The following TMCC2 variants were observed in gnomAD, a reference collection of about 807,000 sequenced individuals.
TMCC2 encodes transmembrane and coiled-coil domain family 2.
In TMCC2, 16 loss-of-function variants were observed where a neutral mutation model predicts 49.4. That is an observed-to-expected ratio of 0.32 (90% CI 0.22 to 0.49). The LOEUF is 0.49. TMCC2 is among the 20% of genes least tolerant of loss of function. The pLI is 0.99. For missense variants in TMCC2, 762 were observed against 989.8 expected (o/e 0.77, Z 3.09); for synonymous variants, 397 against 434.1 (o/e 0.91, Z 1.06).
intron 2 of TMCC2, among the ~76,000 whole-genome samples, chr1:205,262,555 G>A (rs1475148028): frequency 1.3e-5 from 2 of 152,190 alleles, no homozygotes; most frequent in Admixed American, 1.3e-4. Flanking sequence ...GAAGGATGGG[G>A]GGATGTCTGC....
chr1:205,266,313 G>C (rs1250274109), intron 2 of TMCC2, among the ~76,000 whole-genome samples: 3 of 151,164 alleles, frequency 2.0e-5, no homozygotes, highest in Non-Finnish European at 4.4e-5. Context: ...ATTTTGGGCC[G>C]GGCGCGGTGA....
In TMCC2 at chr1:205,272,971, C is replaced by T. The variant is rs902339902; in HGVS notation, c.*847C>T. 1.3e-5 allele frequency: 2 copies of T among 152,436 alleles called. No individual in the cohort carries two copies. The highest frequency in any genetic ancestry group is 4.8e-5 in the African/African-American group (2 of 41,436). The allele number at this position is 152,436 out of a possible 1,614,324, so 9.4% of individuals were successfully genotyped here. On this transcript the variant is annotated 3_prime_UTR_variant, in exon 5 of 5. Coordinates refer to ENST00000358024, the MANE Select transcript of TMCC2 (RefSeq NM_014858.4). ...ACCAGGAGAGGTCCTGCCCCATCCT[C>T]TCTCTGAAGCCAGGGCCCTTCCATT...
At chr1:205,267,158 G>A (rs1446798756) in intron 2 of TMCC2, among the ~76,000 whole-genome samples, 1 of 152,208 alleles carries the variant, frequency 6.6e-6, no homozygotes, top group Admixed American at 6.5e-5. Context: ...GGAGTGATTA[G>A]GGATGGGGTT....
chr1:205,246,830 C>T, intron 2 of TMCC2: 1 of 839,186 alleles, frequency 1.2e-6, no homozygotes, highest in Non-Finnish European at 1.8e-6. Flanking sequence ...TGAAGACCTC[C>T]TGAGCAGGGG....
At chr1:205,253,606 C>T (rs1660753118) in intron 2 of TMCC2, among the ~76,000 whole-genome samples, 1 of 152,246 alleles carries the variant, frequency 6.6e-6, no homozygotes, top group Non-Finnish European at 1.5e-5. Flanking sequence ...CCAAGACTGA[C>T]CAAGAAGTGC....
At chr1:205,256,463 A>G in intron 2 of TMCC2, 1 of 1,524,088 alleles carries the variant, frequency 6.6e-7, no homozygotes, top group Non-Finnish European at 8.9e-7. Flanking sequence ...TGCCAGGGCA[A>G]TGCTGGCAGA....
intron 1 of TMCC2, among the ~76,000 whole-genome samples, chr1:205,240,748 C>T (rs2102541958): frequency 6.6e-6 from 1 of 152,284 alleles, no homozygotes; most frequent in Admixed American, 6.5e-5. Context: ...CACTGCATCT[C>T]CAGGCACTAC....
At chr1:205,258,458 G>A (rs952697418) in intron 2 of TMCC2, among the ~76,000 whole-genome samples, 3 of 152,024 alleles carry the variant, frequency 2.0e-5, no homozygotes, top group African/African-American at 7.2e-5. Context: ...GAGAAAAGCC[G>A]CTTAGGCTCC....
intron 1 of TMCC2, chr1:205,236,863 A>C (rs1660070440): frequency 6.6e-6 from 1 of 152,214 alleles, no homozygotes; most frequent in Admixed American, 6.5e-5. Flanking sequence ...CTTTAATAAA[A>C]GTCTTCTATG....
rs1404234955 is a variant in TMCC2 at position 205,269,645 on chromosome 1, C to T, written c.1443C>T (p.Ser481=). 6 of 1,613,712 alleles carry T rather than the reference C, an allele frequency of 3.7e-6. No homozygotes were observed. Among genetic ancestry groups the T allele is most frequent in the Admixed American group, 3.3e-5 (2 of 60,020 alleles). Residue 481 remains serine, a synonymous_variant, in exon 3 of 5, where the codon AGC becomes AGT. Coordinates refer to ENST00000358024, the MANE Select transcript of TMCC2 (RefSeq NM_014858.4). ...PKYGSDDECS[S]ASASSAGAGS... ...ATGGCAGCGATGATGAGTGCTCCAG[C>T]GCCAGCGCCAGCTCAGCCGGGGCAG...
intron 1 of TMCC2, 194 bp downstream of exon 1, chr1:205,228,965 G>C: frequency 7.1e-7 from 1 of 1,402,926 alleles, no homozygotes; most frequent in Non-Finnish European, 9.3e-7. Flanking sequence ...CTCCGTGTCA[G>C]GTCTCTGTGT....
At chr1:205,242,604 A>G (rs994212051) in intron 2 of TMCC2, among the ~76,000 whole-genome samples, 1 of 152,230 alleles carries the variant, frequency 6.6e-6, no homozygotes. Context: ...GAATTTATAT[A>G]TTCGTTCTTT....
At chr1:205,250,509 C>G (rs899096808) in intron 2 of TMCC2, among the ~76,000 whole-genome samples, 2 of 152,146 alleles carry the variant, frequency 1.3e-5, no homozygotes, top group African/African-American at 2.4e-5. Context: ...CCATTACACT[C>G]CAGACTGGGC....
intron 2 of TMCC2, among the ~76,000 whole-genome samples, chr1:205,259,574 G>C (rs1661020523): frequency 6.6e-6 from 1 of 152,248 alleles, no homozygotes; most frequent in African/African-American, 2.4e-5. Flanking sequence ...TGTTCCAACA[G>C]TGTCTACTGT....
Position 205,241,648 on chromosome 1 carries a change from TGAC to T in TMCC2, c.352_354del (p.Asp118del), listed in dbSNP as rs746186087. On this transcript the variant is annotated inframe_deletion, in exon 2 of 5. Coordinates refer to ENST00000358024, the MANE Select transcript of TMCC2 (RefSeq NM_014858.4). This position sits in a 1 kb window ranked among gnomAD's most constrained non-coding sequence, Gnocchi z 7.3. ...AGCAGCAGCAGGGTATGTCCGACCA[TGAC>T]TCCCCAGATGAGAAGGAGCGCTCTC... is the stretch of plus-strand genomic sequence containing the variant. 1 of 1,613,866 alleles carries T rather than the reference TGAC, an allele frequency of 6.2e-7. No individual in the cohort carries two copies. Among genetic ancestry groups the T allele is most frequent in the Admixed American group, 1.7e-5 (1 of 60,020 alleles).
At chr1:205,254,276 CCT>C (rs1491372497) in intron 2 of TMCC2, among the ~76,000 whole-genome samples, 1 of 152,206 alleles carries the variant, frequency 6.6e-6, no homozygotes, top group Admixed American at 6.5e-5. Flanking sequence ...ACCTTAACCC[CCT>C]GTCTTTACGC....
intron 2 of TMCC2, chr1:205,257,327 C>T: frequency 8.1e-7 from 1 of 1,232,192 alleles, no homozygotes; most frequent in Non-Finnish European, 1.0e-6. Flanking sequence ...CCCCGGGTAC[C>T]TCATCGCCGG....
intron 1 of TMCC2, chr1:205,229,731 A>G: frequency 3.0e-6 from 3 of 985,464 alleles, no homozygotes; most frequent in Non-Finnish European, 3.6e-6. Context: ...AGTTGCATAC[A>G]TGCTGAGCCA....
In TMCC2 at chr1:205,228,786, TC is replaced by T; in HGVS notation, c.207+21del. 12 of 1,573,906 alleles carry T rather than the reference TC, an allele frequency of 7.6e-6. No homozygotes were observed. Among genetic ancestry groups the T allele is most frequent in the Non-Finnish European group, 8.6e-6 (10 of 1,160,398 alleles). On this transcript the variant is annotated intron_variant, in intron 1 of 4. Coordinates refer to ENST00000358024, the MANE Select transcript of TMCC2 (RefSeq NM_014858.4). ...CTGATTTAAAGGTGAGCGCAGACCATCCCCCCGGCAAGCCCAGCCCGCGACT... is the reference window on the plus strand; with the variant it reads ...CTGATTTAAAGGTGAGCGCAGACCATCCCCCGGCAAGCCCAGCCCGCGACT...
Sources: allele counts gnomAD v4.1 joint callset (sites outside exome capture counted in the v4.1 genomes callset), GRCh38; gene constraint gnomAD v4.1.1; non-coding constraint Gnocchi (gnomAD v3.1); transcripts MANE v1.5; gene names NCBI Gene and HGNC (gene_info 2026-07-23, HGNC 2026-07-21).